SMYD3: variants seen among roughly 807,000 people sequenced by gnomAD.
SMYD3 encodes the protein histone-lysine N-methyltransferase SMYD3.
SMYD3 carries 36 observed loss-of-function variants against 57.7 expected under a neutral mutation model. The ratio of observed to expected loss-of-function variants is 0.62; its 90% CI spans 0.48 to 0.82. The LOEUF (loss-of-function observed/expected upper bound fraction) is 0.82, where lower values mean the gene tolerates loss of function less well. Ranked by LOEUF, SMYD3 falls within the 40% of genes least tolerant of loss-of-function variation. The pLI is 0.00. For synonymous variants in SMYD3, 211 were observed against 195.0 expected (o/e 1.08, Z -0.68); for missense variants, 515 against 538.8 (o/e 0.96, Z 0.44).
intron 8 of SMYD3, among the ~76,000 whole-genome samples, chr1:245,885,029 C>T (rs565519461): frequency 1.3e-5 from 2 of 152,054 alleles, no homozygotes. Context: ...ACACTCAATG[C>T]GAAGGTCTGC....
chr1:245,948,608 G>C (rs2057505382), intron 5 of SMYD3, among the ~76,000 whole-genome samples: 1 of 149,250 alleles, frequency 6.7e-6, no homozygotes, highest in Non-Finnish European at 1.5e-5. Context: ...ACCATTTTGA[G>C]GGCCCAGCTT....
At chr1:246,248,152 A>G (rs1001671642) in intron 5 of SMYD3, among the ~76,000 whole-genome samples, 1 of 152,220 alleles carries the variant, frequency 6.6e-6, no homozygotes, top group Non-Finnish European at 1.5e-5. Flanking sequence ...TTTGGAGGAA[A>G]TTGTTTCATA....
At chr1:246,107,148 G>T (rs1201903695) in intron 5 of SMYD3, among the ~76,000 whole-genome samples, 4 of 147,220 alleles carry the variant, frequency 2.7e-5, no homozygotes, top group East Asian at 4.1e-4. Context: ...TTAGCCAGGC[G>T]TGGTGGCAGG....
chr1:246,215,221 C>T (rs1354216687), intron 5 of SMYD3, among the ~76,000 whole-genome samples: 1 of 152,132 alleles, frequency 6.6e-6, no homozygotes, highest in Non-Finnish European at 1.5e-5. Context: ...AATCTCTTCA[C>T]TAAATACATC....
chr1:246,338,937 A>T (rs1384974217), intron 2 of SMYD3, among the ~76,000 whole-genome samples: 1 of 152,228 alleles, frequency 6.6e-6, no homozygotes. Flanking sequence ...TCTGTGTCGG[A>T]CAGTTCTCCA....
chr1:246,002,788 C>T (rs1221946349), intron 5 of SMYD3, among the ~76,000 whole-genome samples: 1 of 152,142 alleles, frequency 6.6e-6, no homozygotes, highest in East Asian at 1.9e-4. Context: ...CCTGCTCTGT[C>T]ACCCAGCCTA....
At chr1:245,776,111 C>T (rs145525486) in intron 10 of SMYD3, among the ~76,000 whole-genome samples, 1 of 152,344 alleles carries the variant, frequency 6.6e-6, no homozygotes, top group Non-Finnish European at 1.5e-5. Flanking sequence ...AAGAAAGTAA[C>T]ATACTTTCTT....
chr1:246,054,878 A>AAAAAAAAG (rs2060122409), intron 5 of SMYD3, among the ~76,000 whole-genome samples: 1 of 150,636 alleles, frequency 6.6e-6, no homozygotes, highest in Admixed American at 6.6e-5. Context: ...GACTATAAAA[A>AAAAAAAAG]AAAAAAAAAA....
At chr1:246,169,857 T>C (rs1010918792) in intron 5 of SMYD3, among the ~76,000 whole-genome samples, 2 of 151,570 alleles carry the variant, frequency 1.3e-5, no homozygotes. Flanking sequence ...AGAGCCAAGA[T>C]TGTGCCACTG....
intron 2 of SMYD3, among the ~76,000 whole-genome samples, chr1:246,354,259 G>T (rs1263905871): frequency 6.6e-6 from 1 of 152,164 alleles, no homozygotes; most frequent in Non-Finnish European, 1.5e-5. Context: ...CATAAGGTTA[G>T]AAGAAAAGGT....
At chr1:246,186,831 C>A (rs2062648978) in intron 5 of SMYD3, 13 of 985,504 alleles carry the variant, frequency 1.3e-5, no homozygotes, top group Non-Finnish European at 1.6e-5. Context: ...CTTCTGCTTC[C>A]CAGTCTCACA....
chr1:246,391,166 A>T (rs981909517), intron 1 of SMYD3, among the ~76,000 whole-genome samples: 1 of 149,064 alleles, frequency 6.7e-6, no homozygotes, highest in African/African-American at 2.5e-5. Context: ...TGAGAGGATC[A>T]CTCGAGGCCA....
chr1:246,234,471 A>G (rs977058305), intron 5 of SMYD3, among the ~76,000 whole-genome samples: 5 of 152,104 alleles, frequency 3.3e-5, no homozygotes, highest in Admixed American at 6.5e-5. Context: ...CGTTAACACC[A>G]TGATGACTAT....
chr1:246,094,716 A>T (rs989755930), intron 5 of SMYD3, among the ~76,000 whole-genome samples: 17 of 152,296 alleles, frequency 1.1e-4, no homozygotes, highest in African/African-American at 4.1e-4. Context: ...GTCCCTCAGG[A>T]TTTTAAAGTG....
chr1:245,842,537 C>T (rs2050455716), intron 10 of SMYD3, among the ~76,000 whole-genome samples: 1 of 152,098 alleles, frequency 6.6e-6, no homozygotes, highest in African/African-American at 2.4e-5. Flanking sequence ...ACTACAGGCC[C>T]TGGGGAACAG....
chr1:245,770,849 T>G (rs1341008422), intron 10 of SMYD3, among the ~76,000 whole-genome samples: 1 of 152,066 alleles, frequency 6.6e-6, no homozygotes, highest in Non-Finnish European at 1.5e-5. Context: ...AAAACTAAAA[T>G]TAAGAACTTA....
chr1:246,327,347 A>G lies in SMYD3; in HGVS notation c.395-10T>C. 1 of 1,605,334 alleles carries G rather than the reference A, an allele frequency of 6.2e-7. No homozygotes were observed. Among genetic ancestry groups the G allele is most frequent in the Non-Finnish European group, 8.5e-7 (1 of 1,176,636 alleles). Reference sequence around the variant, plus strand: ...GTCAGTTTGTTAATATCTTTTTTAAAGAGAAAATAAATAGCACAATCTCAA... The same window carrying G: ...GTCAGTTTGTTAATATCTTTTTTAAGGAGAAAATAAATAGCACAATCTCAA... On this transcript the variant is annotated splice_polypyrimidine_tract_variant and intron_variant, in intron 4 of 11. Transcript: ENST00000490107.
At chr1:245,793,187 T>C (rs189961625) in intron 10 of SMYD3, among the ~76,000 whole-genome samples, 37 of 150,768 alleles carry the variant, frequency 2.5e-4, no homozygotes, top group East Asian at 2.0e-3. Context: ...CGGGTGCCTG[T>C]AGTCCCAGCT....
At chr1:246,302,725 A>G (rs951038266) in intron 5 of SMYD3, among the ~76,000 whole-genome samples, 1 of 152,144 alleles carries the variant, frequency 6.6e-6, no homozygotes, top group Non-Finnish European at 1.5e-5. Context: ...CTGACCCAAT[A>G]TGGCCACAAC....
Sources: allele counts gnomAD v4.1 joint callset (sites outside exome capture counted in the v4.1 genomes callset), GRCh38; gene constraint gnomAD v4.1.1; transcripts MANE v1.5; gene names NCBI Gene and HGNC (gene_info 2026-07-23, HGNC 2026-07-21).